Variants in PIP5K1C observed in about 807,000 individuals in gnomAD.
PIP5K1C encodes the protein phosphatidylinositol-4-phosphate 5-kinase type 1 gamma.
PIP5K1C carries 45 observed loss-of-function variants against 80.1 expected under a neutral mutation model. The ratio of observed to expected loss-of-function variants is 0.56; its 90% CI spans 0.44 to 0.72. The LOEUF (loss-of-function observed/expected upper bound fraction) is 0.72, where lower values mean the gene tolerates loss of function less well. PIP5K1C is among the 30% of genes least tolerant of loss of function. The pLI is 0.00. For missense variants in PIP5K1C, 753 were observed against 954.6 expected, an observed-to-expected ratio of 0.79 and a Z score of 2.78; for synonymous variants, 498 against 420.1, an observed-to-expected ratio of 1.19 and a Z score of -2.27.
chr19:3,634,904 T>G (rs1397469814), intron 16 of PIP5K1C, among the ~76,000 whole-genome samples: 1 of 152,258 alleles, frequency 6.6e-6, no homozygotes. Context: ...ACTCCTGCAC[T>G]GAGGGGCCAG....
chr19:3,676,487 A>G (rs377051892), intron 1 of PIP5K1C, among the ~76,000 whole-genome samples: 5 of 152,346 alleles, frequency 3.3e-5, no homozygotes, highest in Admixed American at 2.6e-4. Flanking sequence ...CAGATCTAGA[A>G]ATAAAAGGCT....
At chr19:3,656,324 G>A (rs1284605148) in intron 6 of PIP5K1C, 81 bp downstream of exon 6, 1 of 1,531,772 alleles carries the variant, frequency 6.5e-7, no homozygotes, top group Non-Finnish European at 9.0e-7. Flanking sequence ...GCTTGCCCAA[G>A]CCTTGCAGAC....
Position 3,643,331 on chromosome 19 carries a change from T to C in PIP5K1C, c.1561A>G (p.Thr521Ala). The C allele has an allele frequency of 1.2e-6, 2 of 1,613,900 alleles. No individual in the cohort carries two copies. The highest frequency in any genetic ancestry group is 1.7e-6 in the Non-Finnish European group (2 of 1,179,952). Reference sequence around the variant, plus strand: ...GACAGAGTCGTGGCAATGGAGGCTGTAGTGGCTTCTTCGAAAGAAGGTGGC... The same window carrying C: ...GACAGAGTCGTGGCAATGGAGGCTGCAGTGGCTTCTTCGAAAGAAGGTGGC... ...CTPPSFEEAT[T>A]ASIATTLSST... is the part of the protein sequence containing the mutation. The change falls in exon 13 of 18, where the codon ACA becomes GCA. Residue 521 changes from threonine to alanine, a missense_variant. Physicochemically the swap from Thr to Ala is moderately conservative, Grantham distance 58. Coordinates refer to ENST00000335312, the MANE Select transcript of PIP5K1C (RefSeq NM_012398.3).
intron 3 of PIP5K1C, among the ~76,000 whole-genome samples, 174 bp from the exon 4 acceptor site, chr19:3,662,175 A>G (rs773429486): frequency 1.8e-4 from 28 of 152,192 alleles, no homozygotes; most frequent in Non-Finnish European, 3.5e-4. Flanking sequence ...AGCTGTCGAC[A>G]TCAGGCCGGG....
At chr19:3,645,762 C>T (rs990144335) in intron 11 of PIP5K1C, among the ~76,000 whole-genome samples, 20 of 152,222 alleles carry the variant, frequency 1.3e-4, no homozygotes, top group African/African-American at 3.9e-4. Flanking sequence ...CAGGCTCTGG[C>T]GGTGGCTCCA....
intron 15 of PIP5K1C, among the ~76,000 whole-genome samples, chr19:3,641,430 C>T (rs1475781424): frequency 1.3e-5 from 2 of 152,080 alleles, no homozygotes; most frequent in Non-Finnish European, 2.9e-5. Flanking sequence ...GAGCAGCGTC[C>T]CTGGCCTCCA....
At position 3,630,341 on chromosome 19, in the gene PIP5K1C, T is replaced by G. The variant is rs1163117340; in HGVS notation, c.*2826A>C. ...TCTGGGTTTGAGGGACACAGCACCC[T>G]CGTCTCGGCGCTTTGGATTGTCACG... On this transcript the variant is annotated 3_prime_UTR_variant, in exon 18 of 18. Transcript: ENST00000335312. 3.3e-5 allele frequency: 5 copies of G among 152,514 alleles called. No homozygotes were observed. In the East Asian group the frequency reaches 9.6e-4, roughly 29 times the overall value. 9.4% of individuals were successfully genotyped at this position (152,514 alleles called of 1,614,324 possible).
At chr19:3,651,711 C>G in intron 8 of PIP5K1C, 115 bp downstream of exon 8, 1 of 1,036,012 alleles carries the variant, frequency 9.7e-7, no homozygotes, top group African/African-American at 1.6e-5. Context: ...GTCTGTCACC[C>G]ACGCATGCCC....
chr19:3,633,793 G>GT (rs1402704705), intron 16 of PIP5K1C, among the ~76,000 whole-genome samples: 2 of 152,074 alleles, frequency 1.3e-5, no homozygotes, highest in Non-Finnish European at 2.9e-5. Flanking sequence ...GAGATAGCAG[G>GT]TGACAGAGCC....
chr19:3,694,722 G>A (rs75563473), intron 1 of PIP5K1C, among the ~76,000 whole-genome samples: 8 of 152,300 alleles, frequency 5.3e-5, no homozygotes, highest in South Asian at 4.1e-4. Context: ...CGGCCTCGGC[G>A]CGACTATTCC....
intron 1 of PIP5K1C, among the ~76,000 whole-genome samples, chr19:3,677,695 G>A (rs1183623350): frequency 6.7e-6 from 1 of 148,898 alleles, no homozygotes; most frequent in Non-Finnish European, 1.5e-5. Context: ...AAGCTGAGAG[G>A]GATGGCGGAA....
intron 16 of PIP5K1C, chr19:3,636,810 C>T (rs1025161598): frequency 2.4e-5 from 24 of 987,442 alleles, no homozygotes; most frequent in African/African-American, 1.7e-4. Flanking sequence ...TTTGGGTCTG[C>T]GCCCCGTTCT....
intron 1 of PIP5K1C, among the ~76,000 whole-genome samples, chr19:3,684,420 T>C (rs1196641316): frequency 6.6e-6 from 1 of 152,218 alleles, no homozygotes; most frequent in African/African-American, 2.4e-5. Flanking sequence ...AGCCCTGCTT[T>C]GGCCAATCAC....
chr19:3,666,923 G>A (rs1048515642), intron 2 of PIP5K1C, among the ~76,000 whole-genome samples: 1 of 152,230 alleles, frequency 6.6e-6, no homozygotes, highest in African/African-American at 2.4e-5. Flanking sequence ...ATCGCCCTCT[G>A]GGCAGCGTCT....
intron 1 of PIP5K1C, among the ~76,000 whole-genome samples, chr19:3,695,398 C>T (rs1261728746): frequency 6.6e-6 from 1 of 152,188 alleles, no homozygotes; most frequent in Non-Finnish European, 1.5e-5. Flanking sequence ...CTCACGGGGC[C>T]GGCTGCCTGT....
At chr19:3,634,167 T>G (rs537955975) in intron 16 of PIP5K1C, among the ~76,000 whole-genome samples, 2 of 151,852 alleles carry the variant, frequency 1.3e-5, no homozygotes, top group South Asian at 4.2e-4. Flanking sequence ...GGCAGGGCCG[T>G]GTGCAGGGAC....
chr19:3,656,566 A>G lies in PIP5K1C; in HGVS notation c.469-9T>C. On this transcript the variant is annotated splice_polypyrimidine_tract_variant and intron_variant, in intron 5 of 17. Transcript: ENST00000335312. Reference sequence around the variant, plus strand: ...TCATTGCACAGGGAGTACTGGAAGCAGAGGAGGCGGGTCAGCGGGCCCCAA... The same window carrying G: ...TCATTGCACAGGGAGTACTGGAAGCGGAGGAGGCGGGTCAGCGGGCCCCAA... The G allele has an allele frequency of 4.3e-6, 7 of 1,613,252 alleles. No individual in the cohort carries two copies. The highest frequency in any genetic ancestry group is 5.9e-6 in the Non-Finnish European group (7 of 1,179,878).
intron 15 of PIP5K1C, among the ~76,000 whole-genome samples, chr19:3,639,904 C>A (rs185782357): frequency 1.3e-5 from 2 of 152,196 alleles, no homozygotes; most frequent in African/African-American, 4.8e-5. Flanking sequence ...TATGGCCACA[C>A]GGTGCATCGT....
At chr19:3,659,096 GA>G (rs2034742619) in intron 5 of PIP5K1C, among the ~76,000 whole-genome samples, 2 of 152,268 alleles carry the variant, frequency 1.3e-5, no homozygotes, top group Admixed American at 6.5e-5. Flanking sequence ...GGGGGACTGT[GA>G]CCTCAGCTGT....
Sources: allele counts gnomAD v4.1 joint callset (sites outside exome capture counted in the v4.1 genomes callset), GRCh38; gene constraint gnomAD v4.1.1; transcripts MANE v1.5; gene names NCBI Gene and HGNC (gene_info 2026-07-23, HGNC 2026-07-21).